The following SH3BGR variants were observed in gnomAD, a reference collection of about 807,000 sequenced individuals.
The protein encoded by SH3BGR is SH3 domain-binding glutamic acid-rich protein.
A neutral mutation model predicts 24.5 loss-of-function variants in SH3BGR; 29 were observed. The observed-to-expected ratio is 1.18, with a 90% CI of 0.88 to 1.61. The LOEUF (loss-of-function observed/expected upper bound fraction) is 1.61. Among genes scored for constraint, SH3BGR ranks in the 40% most tolerant of loss-of-function variants. SH3BGR has a pLI of 0.00. For missense variants in SH3BGR, 162 were observed against 205.8 expected (o/e 0.79, Z 1.30); for synonymous variants, 55 against 65.7 (o/e 0.84, Z 0.79).
exon 1 of SH3BGR, chr21:39,446,064 A>T (rs2077451330): frequency 6.6e-6 from 1 of 151,824 alleles, no homozygotes; most frequent in Admixed American, 6.6e-5. Flanking sequence ...TGACCTCTTA[A>T]GGCTCTGTCA....
At chr21:39,491,549 TG>T in intron 3 of SH3BGR, 1 of 278,248 alleles carries the variant, frequency 3.6e-6, no homozygotes, top group Admixed American at 3.8e-5. Context: ...GCTACTTACA[TG>T]GGCTTTGGTG....
chr21:39,452,018 G>T lies in SH3BGR; in HGVS notation c.-79G>T. ...GCCCCGACCTGGCACTTGCTTGCCT[G>T]TGTCACTGTCAGGATTTGTCTAGCG... On this transcript the variant is annotated 5_prime_UTR_variant, in exon 1 of 7. Coordinates refer to ENST00000333634, the MANE Select transcript of SH3BGR (RefSeq NM_007341.3). 6.2e-7 allele frequency: 1 copy of T among 1,614,172 alleles called. No individual in the cohort carries two copies. The highest frequency in any genetic ancestry group is 1.1e-5 in the South Asian group (1 of 91,086).
intron 3 of SH3BGR, among the ~76,000 whole-genome samples, chr21:39,483,057 A>G (rs1169399099): frequency 3.3e-5 from 5 of 152,256 alleles, no homozygotes; most frequent in African/African-American, 9.6e-5. Context: ...TGTCCTAGTC[A>G]AAACTTGAGG....
At chr21:39,513,294 A>C (rs988996010) in intron 6 of SH3BGR, among the ~76,000 whole-genome samples, 6 of 152,186 alleles carry the variant, frequency 3.9e-5, no homozygotes, top group Non-Finnish European at 7.3e-5. Context: ...TGTACAAAGA[A>C]GGGTGGATAG....
chr21:39,471,233 T>G (rs2077934834), intron 2 of SH3BGR, among the ~76,000 whole-genome samples: 1 of 152,160 alleles, frequency 6.6e-6, no homozygotes, highest in South Asian at 2.1e-4. Flanking sequence ...ACTTTAGAAT[T>G]ATTGATTGGG....
chr21:39,503,370 A>G (rs770295125), intron 4 of SH3BGR, among the ~76,000 whole-genome samples: 9 of 152,180 alleles, frequency 5.9e-5, no homozygotes, highest in Non-Finnish European at 1.2e-4. Context: ...GCATTGGTGC[A>G]TTTCTGTTAA....
At chr21:39,485,863 G>GT in intron 3 of SH3BGR, among the ~76,000 whole-genome samples, 1 of 151,474 alleles carries the variant, frequency 6.6e-6, no homozygotes, top group Non-Finnish European at 1.5e-5. Context: ...AATTTTTTGT[G>GT]TTTTTTAGTA....
upstream of SH3BGR, among the ~76,000 whole-genome samples, chr21:39,448,681 CAA>C (rs1165195251): frequency 1.3e-5 from 2 of 152,084 alleles, no homozygotes; most frequent in Non-Finnish European, 2.9e-5. Flanking sequence ...AAACAAAAAA[CAA>C]ACAACAAAAC....
chr21:39,481,325 C>T (rs1425152282), intron 3 of SH3BGR, among the ~76,000 whole-genome samples: 1 of 152,096 alleles, frequency 6.6e-6, no homozygotes, highest in Non-Finnish European at 1.5e-5. Flanking sequence ...CAAACAAACT[C>T]CTAGAGGGCT....
At chr21:39,459,326 G>C (rs2077716738) in intron 1 of SH3BGR, among the ~76,000 whole-genome samples, 1 of 151,902 alleles carries the variant, frequency 6.6e-6, no homozygotes, top group African/African-American at 2.4e-5. Context: ...CTGGATTCAA[G>C]CAATTGTCCT....
intron 4 of SH3BGR, among the ~76,000 whole-genome samples, chr21:39,504,051 A>G (rs2078541557): frequency 6.6e-6 from 1 of 152,234 alleles, no homozygotes; most frequent in Non-Finnish European, 1.5e-5. Context: ...GAGCTTTAGA[A>G]AATGCTGGAA....
At chr21:39,451,681 T>A, upstream of SH3BGR, 1 of 563,716 alleles carries the variant, frequency 1.8e-6, no homozygotes, top group South Asian at 2.3e-5. Flanking sequence ...CCTCCCTCAC[T>A]TCTTTCGCCT....
chr21:39,482,794 A>G (rs552351373), intron 3 of SH3BGR, among the ~76,000 whole-genome samples: 19 of 152,160 alleles, frequency 1.2e-4, no homozygotes, highest in African/African-American at 4.3e-4. Flanking sequence ...CTCAGCCTCC[A>G]GAGTAGCTGG....
chr21:39,485,751 G>A (rs896140044), intron 3 of SH3BGR, among the ~76,000 whole-genome samples: 5 of 148,820 alleles, frequency 3.4e-5, no homozygotes, highest in African/African-American at 7.5e-5. Context: ...GCAGTGGTGC[G>A]ATCTCGGCTC....
chr21:39,494,430 T>G (rs1356799952), intron 3 of SH3BGR, among the ~76,000 whole-genome samples: 1 of 152,080 alleles, frequency 6.6e-6, no homozygotes, highest in Non-Finnish European at 1.5e-5. Flanking sequence ...TTTACTTTTC[T>G]TTTATCTGAA....
At chr21:39,451,873 A>G (rs1487781466), upstream of SH3BGR, 1 of 1,605,442 alleles carries the variant, frequency 6.2e-7, no homozygotes, top group Non-Finnish European at 8.5e-7. Flanking sequence ...ACAGATCCCA[A>G]AATATTCCTG....
chr21:39,495,681 C>T (rs2123481842), intron 3 of SH3BGR, among the ~76,000 whole-genome samples: 1 of 152,160 alleles, frequency 6.6e-6, no homozygotes, highest in Non-Finnish European at 1.5e-5. Context: ...AAGGATCTTG[C>T]TATGTTGCCC....
At chr21:39,506,053 C>G (rs774585625) in intron 4 of SH3BGR, among the ~76,000 whole-genome samples, 2 of 152,166 alleles carry the variant, frequency 1.3e-5, no homozygotes, top group Non-Finnish European at 2.9e-5. Context: ...GAGTTACTAA[C>G]AGATTTCATG....
chr21:39,473,459 C>T (rs957047383), intron 2 of SH3BGR, among the ~76,000 whole-genome samples: 1 of 152,214 alleles, frequency 6.6e-6, no homozygotes, highest in African/African-American at 2.4e-5. Flanking sequence ...CCTGCACTTA[C>T]TCATGATGTT....
Sources: allele counts gnomAD v4.1 joint callset (sites outside exome capture counted in the v4.1 genomes callset), GRCh38; gene constraint gnomAD v4.1.1; transcripts MANE v1.5; gene names NCBI Gene and HGNC (gene_info 2026-07-23, HGNC 2026-07-21).